Variants in FAM193A observed in about 807,000 individuals in gnomAD.
FAM193A encodes the protein protein FAM193A.
In FAM193A, 22 loss-of-function variants were observed where a neutral mutation model predicts 126.5. The observed-to-expected ratio is 0.17, with a 90% CI of 0.12 to 0.25. The LOEUF is 0.25. Ranked by LOEUF, FAM193A falls within the 10% of genes least tolerant of loss-of-function variation. The pLI, the probability that FAM193A is intolerant of heterozygous loss-of-function variation, is 1.00. For missense variants in FAM193A, 1,675 were observed against 1,672.8 expected (o/e 1.00, Z -0.02); for synonymous variants, 761 against 646.8 (o/e 1.18, Z -2.68).
chr4:2,636,572 T>G (rs1744114058), intron 5 of FAM193A, among the ~76,000 whole-genome samples: 1 of 152,210 alleles, frequency 6.6e-6, no homozygotes, highest in Admixed American at 6.5e-5. Flanking sequence ...GTGTCATTCA[T>G]AGGTCATTTT....
At chr4:2,620,836 C>CAAAAAAAAAAAGAAAAAAAAAAA (rs1207985820) in intron 2 of FAM193A, among the ~76,000 whole-genome samples, 1 of 69,100 alleles carries the variant, frequency 1.4e-5, no homozygotes, top group African/African-American at 6.1e-5. Context: ...AACTCCGTCT[C>CAAAAAAAAAAAGAAAAAAAAAAA]AAAAAAAAAA....
intron 2 of FAM193A, among the ~76,000 whole-genome samples, chr4:2,623,459 C>T (rs991090595): frequency 2.0e-5 from 3 of 152,186 alleles, no homozygotes; most frequent in East Asian, 1.9e-4. Flanking sequence ...CGTGAGCCAC[C>T]GCGCCTGGCC....
At chr4:2,580,822 TG>T (rs1299187928) in intron 1 of FAM193A, among the ~76,000 whole-genome samples, 3 of 152,236 alleles carry the variant, frequency 2.0e-5, no homozygotes, top group African/African-American at 7.2e-5. Context: ...AATAAACCTC[TG>T]TTCTTTATAA....
chr4:2,652,620 T>C (rs2109076385), intron 7 of FAM193A, among the ~76,000 whole-genome samples: 1 of 152,232 alleles, frequency 6.6e-6, no homozygotes, highest in South Asian at 2.1e-4. Flanking sequence ...GAGCACTCGC[T>C]ATCACGAGAA....
intron 20 of FAM193A, among the ~76,000 whole-genome samples, chr4:2,718,005 T>C (rs1389023803): frequency 6.6e-6 from 1 of 152,176 alleles, no homozygotes; most frequent in Non-Finnish European, 1.5e-5. Flanking sequence ...AAACATTGCA[T>C]ATGAAAACCT....
At position 2,655,847 on chromosome 4, in the gene FAM193A, T is replaced by C. The variant is rs140296897; in HGVS notation, c.1312-1956T>C. ...TTGGGAGGCTGAGGTGGGAGGATCA[T>C]AGGCCCAGGAGGTTGAGGCTACAGT... is the stretch of plus-strand genomic sequence containing the variant. On this transcript the variant is annotated intron_variant, in intron 7 of 20. Coordinates refer to ENST00000637812, the MANE Select transcript of FAM193A (RefSeq NM_001366318.2). Among the ~76,000 whole-genome samples, 657 of 152,252 alleles carry C rather than the reference T, an allele frequency of 4.3e-3. 1 individual carries two copies. Among genetic ancestry groups the C allele is most frequent in the African/African-American group, 0.015 (631 of 41,550 alleles).
At chr4:2,570,718 C>T (rs1270395380) in intron 1 of FAM193A, among the ~76,000 whole-genome samples, 1 of 152,084 alleles carries the variant, frequency 6.6e-6, no homozygotes, top group Non-Finnish European at 1.5e-5. Flanking sequence ...GACCAGTTAC[C>T]CCATGGGTAC....
chr4:2,610,049 T>C (rs2108940091), intron 2 of FAM193A, among the ~76,000 whole-genome samples: 1 of 151,422 alleles, frequency 6.6e-6, no homozygotes, highest in East Asian at 1.9e-4. Context: ...CTGGCCAACA[T>C]GATGAAACCC....
At chr4:2,592,912 G>A (rs1200104179) in intron 1 of FAM193A, among the ~76,000 whole-genome samples, 1 of 152,188 alleles carries the variant, frequency 6.6e-6, no homozygotes, top group African/African-American at 2.4e-5. Flanking sequence ...GGAGCAGTGT[G>A]TGTTCCCACC....
At chr4:2,674,833 CAA>C (rs75774261) in intron 13 of FAM193A, among the ~76,000 whole-genome samples, 13 of 105,858 alleles carry the variant, frequency 1.2e-4, no homozygotes, top group Admixed American at 2.0e-4. Flanking sequence ...CTGTCTCTAC[CAA>C]AAAAAAAAAA....
At chr4:2,644,515 C>T (rs969719304) in intron 6 of FAM193A, among the ~76,000 whole-genome samples, 10 of 152,182 alleles carry the variant, frequency 6.6e-5, no homozygotes, top group Non-Finnish European at 1.2e-4. Flanking sequence ...GAGTCCATGT[C>T]TTAAGGAGTT....
chr4:2,716,512 C>T (rs1444917162), intron 20 of FAM193A, among the ~76,000 whole-genome samples: 1 of 152,156 alleles, frequency 6.6e-6, no homozygotes. Context: ...TGACAGCCTT[C>T]CGGGTGACCC....
At chr4:2,548,168 T>C (rs1418857393) in intron 1 of FAM193A, among the ~76,000 whole-genome samples, 1 of 149,928 alleles carries the variant, frequency 6.7e-6, no homozygotes, top group Non-Finnish European at 1.5e-5. Context: ...GCCTCCTGGG[T>C]TCAAGTGATT....
chr4:2,646,759 A>C lies in FAM193A; in HGVS notation c.1238A>C (p.Glu413Ala). 1 of 1,614,110 alleles carries C rather than the reference A, an allele frequency of 6.2e-7. No homozygotes were observed. Among genetic ancestry groups the C allele is most frequent in the Non-Finnish European group, 8.5e-7 (1 of 1,179,988 alleles). The change falls in exon 7 of 21, where the codon GAG becomes GCG. Residue 413 changes from glutamate (E) to alanine (A), a missense_variant. Coordinates refer to ENST00000637812, the MANE Select transcript of FAM193A (RefSeq NM_001366318.2). ...STLLQRYQRS[E>A]EELRRVAEEW... ...TTGCTGCAGAGGTACCAGCGTTCCG[A>C]GGAGGAGCTGCGCAGAGTCGCCGAG...
In FAM193A at chr4:2,732,069, C is replaced by G; in HGVS notation, c.*201C>G. The G allele has an allele frequency of 1.7e-6, 1 of 591,000 alleles. No homozygotes were observed. The highest frequency in any genetic ancestry group is 1.9e-5 in the South Asian group (1 of 51,846). 36.6% of individuals were successfully genotyped at this position (591,000 alleles called of 1,614,324 possible). A position where few individuals can be genotyped will look rare whatever the true frequency, so the allele number is the denominator to read the frequency against. On this transcript the variant is annotated 3_prime_UTR_variant, in exon 21 of 21. Transcript: ENST00000637812. The stretch of plus-strand genomic sequence containing the variant: ...TGCGTGTAGTCTGTGCGTGAGACTC[C>G]TTCGATTGTAGCTCTGTGCTGTCGG...
chr4:2,684,358 T>G (rs1245426238), intron 13 of FAM193A, among the ~76,000 whole-genome samples: 5 of 152,210 alleles, frequency 3.3e-5, no homozygotes, highest in Non-Finnish European at 7.3e-5. Flanking sequence ...TATTTATTAT[T>G]TATAAGTTTT....
rs184603114 is a variant in FAM193A at position 2,705,224 on chromosome 4, A to G, written c.4372+4680A>G. Among the ~76,000 whole-genome samples the G allele has an allele frequency of 9.9e-5, 15 of 152,188 alleles. No homozygotes were observed. In the East Asian group the frequency reaches 2.5e-3, roughly 26 times the overall value. On this transcript the variant is annotated intron_variant, in intron 19 of 20. Transcript: ENST00000637812. ...CGCACCCAGCCAAGAATTTTTTTAT[A>G]TGGTAGGGACATTAGCCTTTTACTC...
chr4:2,566,523 C>T (rs1472435074), intron 1 of FAM193A, among the ~76,000 whole-genome samples: 1 of 151,972 alleles, frequency 6.6e-6, no homozygotes, highest in Non-Finnish European at 1.5e-5. Flanking sequence ...AACCCTGTCT[C>T]TACTAAAAAC....
chr4:2,715,156 T>C (rs1719408730), intron 19 of FAM193A, among the ~76,000 whole-genome samples: 1 of 152,228 alleles, frequency 6.6e-6, no homozygotes, highest in African/African-American at 2.4e-5. Context: ...CCTTGGTTTT[T>C]GTTTGGAACA....
Sources: allele counts gnomAD v4.1 joint callset (sites outside exome capture counted in the v4.1 genomes callset), GRCh38; gene constraint gnomAD v4.1.1; transcripts MANE v1.5; gene names NCBI Gene and HGNC (gene_info 2026-07-23, HGNC 2026-07-21).